Variants in RIC1 observed in about 807,000 individuals in gnomAD.
The protein encoded by RIC1 is guanine nucleotide exchange factor subunit RIC1.
Under a neutral mutation model 169.0 loss-of-function variants are expected in RIC1, and 88 were observed. That is an observed-to-expected ratio of 0.52 (90% CI 0.44 to 0.62). RIC1 has a LOEUF of 0.62. RIC1 is among the 20% of genes least tolerant of loss of function. The pLI is 0.00. For missense variants in RIC1, 1,877 were observed against 1,725.5 expected (o/e 1.09, Z -1.56); for synonymous variants, 790 against 601.5 (o/e 1.31, Z -4.59).
chr9:5,712,622 C>G (rs1823001324), intron 3 of RIC1, among the ~76,000 whole-genome samples: 3 of 152,188 alleles, frequency 2.0e-5, no homozygotes, highest in Admixed American at 2.0e-4. Context: ...CTTAAGCTTT[C>G]TAGCCCTATT....
intron 3 of RIC1, among the ~76,000 whole-genome samples, chr9:5,694,292 C>T (rs1237965748): frequency 6.6e-6 from 1 of 152,176 alleles, no homozygotes; most frequent in East Asian, 1.9e-4. Flanking sequence ...ATGAAAGTTT[C>T]CCTCAATATA....
intron 3 of RIC1, 21 bp from the exon 4 acceptor site, chr9:5,713,875 A>G (rs376311907): frequency 6.1e-5 from 94 of 1,553,264 alleles, no homozygotes; most frequent in Non-Finnish European, 8.2e-5. Context: ...TCTTTCTTTA[A>G]CTCTATGCTG....
At chr9:5,689,107 G>A (rs1821439670) in intron 2 of RIC1, among the ~76,000 whole-genome samples, 1 of 133,800 alleles carries the variant, frequency 7.5e-6, no homozygotes, top group South Asian at 2.2e-4. Context: ...GGAGTGCAGT[G>A]GCGCGATCTT....
At chr9:5,641,518 G>T (rs898705078) in intron 1 of RIC1, among the ~76,000 whole-genome samples, 1 of 151,948 alleles carries the variant, frequency 6.6e-6, no homozygotes, top group Non-Finnish European at 1.5e-5. Context: ...TTTCTACTCC[G>T]GTCTCTTTCT....
chr9:5,777,169 C>G (rs557164589), downstream of RIC1, among the ~76,000 whole-genome samples: 7 of 152,150 alleles, frequency 4.6e-5, no homozygotes, highest in East Asian at 1.3e-3. Flanking sequence ...AGAAAAATGT[C>G]TGTTTAATTA....
intron 2 of RIC1, among the ~76,000 whole-genome samples, chr9:5,676,694 C>T (rs1006324649): frequency 1.3e-5 from 2 of 152,110 alleles, no homozygotes; most frequent in African/African-American, 4.8e-5. Flanking sequence ...AAAAAAATTG[C>T]TCTACTGTTT....
At chr9:5,664,050 C>G (rs1441758821) in intron 2 of RIC1, among the ~76,000 whole-genome samples, 1 of 152,064 alleles carries the variant, frequency 6.6e-6, no homozygotes, top group Admixed American at 6.5e-5. Flanking sequence ...TCTTGTTTCT[C>G]CTTTGCTTAT....
intron 12 of RIC1, among the ~76,000 whole-genome samples, chr9:5,748,096 A>G (rs941378834): frequency 1.3e-5 from 2 of 152,258 alleles, no homozygotes; most frequent in Non-Finnish European, 2.9e-5. Context: ...CATGGAAATT[A>G]ATTCTCAATT....
At position 5,753,258 on chromosome 9, in the gene RIC1, G is replaced by C; in HGVS notation, c.1491+20G>C. ...ATACGGGTGAGTTGTTATTTTGTTG[G>C]TGTTAACTTTTGTTGACTAGCATTT... On this transcript the variant is annotated intron_variant, in intron 13 of 25. Coordinates refer to ENST00000414202, the MANE Select transcript of RIC1 (RefSeq NM_020829.4). The C allele has an allele frequency of 6.2e-7, 1 of 1,612,102 alleles. No homozygotes were observed. Among genetic ancestry groups the C allele is most frequent in the Non-Finnish European group, 8.5e-7 (1 of 1,178,268 alleles).
At chr9:5,740,258 A>C (rs1824997703) in intron 8 of RIC1, among the ~76,000 whole-genome samples, 1 of 152,174 alleles carries the variant, frequency 6.6e-6, no homozygotes, top group Non-Finnish European at 1.5e-5. Flanking sequence ...CTATATAAAC[A>C]GTTCACGTCA....
chr9:5,707,792 T>G (rs1022856822), intron 3 of RIC1, among the ~76,000 whole-genome samples: 1 of 152,172 alleles, frequency 6.6e-6, no homozygotes, highest in African/African-American at 2.4e-5. Flanking sequence ...GTAGACAGCT[T>G]ATAAATGGAC....
At chr9:5,727,505 G>A (rs1176059595) in intron 6 of RIC1, among the ~76,000 whole-genome samples, 1 of 152,158 alleles carries the variant, frequency 6.6e-6, no homozygotes, top group South Asian at 2.1e-4. Flanking sequence ...GCTTGGAGAA[G>A]TTTGTTATTA....
intron 1 of RIC1, among the ~76,000 whole-genome samples, chr9:5,634,560 G>C (rs1817878270): frequency 2.0e-5 from 3 of 151,912 alleles, no homozygotes; most frequent in Non-Finnish European, 4.4e-5. Flanking sequence ...TAGGTTATCT[G>C]TTTTGTTTTT....
At chr9:5,699,495 CTTTT>C (rs201602959) in intron 3 of RIC1, among the ~76,000 whole-genome samples, 1 of 142,632 alleles carries the variant, frequency 7.0e-6, no homozygotes, top group African/African-American at 2.6e-5. Context: ...ATTTCAATGT[CTTTT>C]TTTTTTTTTC....
At position 5,763,001 on chromosome 9, in the gene RIC1, A is replaced by G; in HGVS notation, c.2113-139A>G. 1 of 1,022,788 alleles carries G rather than the reference A, an allele frequency of 9.8e-7. No homozygotes were observed. Among genetic ancestry groups the G allele is most frequent in the Non-Finnish European group, 1.4e-6 (1 of 719,762 alleles). 63.4% of individuals were successfully genotyped at this position (1,022,788 alleles called of 1,614,324 possible). On this transcript the variant is annotated intron_variant, in intron 18 of 25. Transcript: ENST00000414202. The surrounding 1 kb of genome is among the most constrained non-coding windows in gnomAD (Gnocchi z 5.2). ...AGGCCAGGATACTTTTATTAACTCT[A>G]ATTCTAATTAGATCCCTTTGCTTTT...
chr9:5,648,408 T>C (rs370736094), intron 1 of RIC1, among the ~76,000 whole-genome samples: 57 of 152,336 alleles, frequency 3.7e-4, no homozygotes, highest in African/African-American at 1.3e-3. Context: ...TCTGACTCAA[T>C]TGAAATGATT....
chr9:5,638,327 C>G (rs982641329), intron 1 of RIC1, among the ~76,000 whole-genome samples: 2 of 152,044 alleles, frequency 1.3e-5, no homozygotes, highest in African/African-American at 4.8e-5. Flanking sequence ...GTGTCTTTGT[C>G]TGGGTTTGGT....
rs758936114 is a variant in RIC1, at chr9:5,757,440, A to G, written c.1981A>G (p.Met661Val). ...TACAGAGAATGGAATCACCTTGAAA[A>G]TGCCACAGCAGGTACCACTCCATTA... The part of the protein sequence containing the change: ...VSTENGITLK[M>V]PQQARGAESI... The change falls in exon 17 of 26, where the codon ATG becomes GTG. Residue 661 changes from methionine (M) to valine (V), a missense_variant. Physicochemically the swap from Met to Val is conservative, Grantham distance 21. Coordinates refer to ENST00000414202, the MANE Select transcript of RIC1 (RefSeq NM_020829.4). The G allele has an allele frequency of 6.2e-7, 1 of 1,614,030 alleles. No individual in the cohort carries two copies. The highest frequency in any genetic ancestry group is 1.7e-5 in the Admixed American group (1 of 60,016).
chr9:5,761,586 T>G (rs560338234), intron 17 of RIC1, among the ~76,000 whole-genome samples: 1 of 152,192 alleles, frequency 6.6e-6, no homozygotes, highest in Non-Finnish European at 1.5e-5. Flanking sequence ...TCTCTTCCTG[T>G]CTTCTATCAG....
Sources: gnomAD v4.1 joint callset for allele counts (sites outside exome capture counted in the v4.1 genomes callset) on GRCh38, gnomAD v4.1.1 for gene constraint, Gnocchi (gnomAD v3.1) non-coding constraint, MANE v1.5 for transcripts, NCBI Gene and HGNC (gene_info 2026-07-23, HGNC 2026-07-21) for gene names.